DTNB: variants seen among roughly 807,000 people sequenced by gnomAD.
DTNB encodes DTN-B.
DTNB carries 63 observed loss-of-function variants against 90.7 expected under a neutral mutation model. The observed-to-expected ratio is 0.69, with a 90% CI of 0.57 to 0.86. The LOEUF (loss-of-function observed/expected upper bound fraction) is 0.86. Ranked by LOEUF, DTNB falls within the 40% of genes least tolerant of loss-of-function variation. The pLI, the probability that DTNB is intolerant of heterozygous loss-of-function variation, is 0.00. For synonymous variants in DTNB, 277 were observed against 286.7 expected (o/e 0.97, Z 0.34); for missense variants, 744 against 807.1 (o/e 0.92, Z 0.95).
At chr2:25,632,385 CT>C (rs1485977426) in intron 3 of DTNB, among the ~76,000 whole-genome samples, 1 of 152,052 alleles carries the variant, frequency 6.6e-6, no homozygotes. Flanking sequence ...TATCAGGAAA[CT>C]TTCTTAATCT....
At chr2:25,467,113 C>T (rs1574836056) in intron 10 of DTNB, among the ~76,000 whole-genome samples, 1 of 152,296 alleles carries the variant, frequency 6.6e-6, no homozygotes, top group East Asian at 1.9e-4. Flanking sequence ...CACTAAGCCA[C>T]ATTCATCTTC....
At chr2:25,604,253 TAGG>T (rs1372513683) in intron 5 of DTNB, among the ~76,000 whole-genome samples, 20 of 151,738 alleles carry the variant, frequency 1.3e-4, no homozygotes, top group African/African-American at 3.6e-4. Context: ...AGTCTCAAAA[TAGG>T]AGGAGTAGAC....
rs563172582 is a variant in DTNB at position 25,620,392 on chromosome 2, CAGG to C, written c.362+7776_362+7778del. ...ATTTCGAAGTGAGGTACTGAATGGACAGGAGAAGTCTCTCTGGACTTGTTACTA... is the reference window on the plus strand; with the variant it reads ...ATTTCGAAGTGAGGTACTGAATGGACAGAAGTCTCTCTGGACTTGTTACTA... On this transcript the variant is annotated intron_variant, in intron 4 of 20. Transcript: ENST00000406818. 1.7e-3 allele frequency among the ~76,000 whole-genome samples: 265 copies of C among 152,250 alleles called. 1 individual carries two copies. Among genetic ancestry groups the C allele is most frequent in the Non-Finnish European group, 2.9e-3 (196 of 68,038 alleles).
chr2:25,661,325 C>T lies in DTNB; in HGVS notation c.-1-8664G>A, dbSNP rs556091053. On this transcript the variant is annotated intron_variant, in intron 1 of 20. Transcript: ENST00000406818. ...CAACAACTGGTATCCACGATATGCA[C>T]AGAATTTGTACAAACCGGTAAGAAA... Among the ~76,000 whole-genome samples, 3 of 152,266 alleles carry T rather than the reference C, an allele frequency of 2.0e-5. No individual in the cohort carries two copies. The South Asian group carries it at 6.2e-4, about 32-fold the overall frequency.
intron 8 of DTNB, among the ~76,000 whole-genome samples, chr2:25,571,672 G>C (rs918880269): frequency 2.0e-5 from 3 of 152,224 alleles, no homozygotes; most frequent in Non-Finnish European, 4.4e-5. Flanking sequence ...TTGCTACTCT[G>C]CTCATGTTAG....
intron 10 of DTNB, among the ~76,000 whole-genome samples, chr2:25,465,500 T>C (rs193260525): frequency 2.0e-5 from 3 of 152,358 alleles, no homozygotes; most frequent in Admixed American, 2.0e-4. Flanking sequence ...AAAAATGCTT[T>C]TTAAAAATCA....
At chr2:25,445,672 C>T (rs1362246770) in intron 12 of DTNB, among the ~76,000 whole-genome samples, 2 of 152,186 alleles carry the variant, frequency 1.3e-5, no homozygotes, top group Non-Finnish European at 2.9e-5. Flanking sequence ...CGACCTCCAG[C>T]CTCAGGGCCT....
intron 11 of DTNB, among the ~76,000 whole-genome samples, chr2:25,452,546 T>C (rs1262805796): frequency 6.6e-6 from 1 of 152,212 alleles, no homozygotes; most frequent in Non-Finnish European, 1.5e-5. Context: ...TTTGGCCCTA[T>C]GTTCTTGGGT....
At chr2:25,629,545 A>C (rs35170384) in intron 3 of DTNB, among the ~76,000 whole-genome samples, 1 of 151,920 alleles carries the variant, frequency 6.6e-6, no homozygotes, top group African/African-American at 2.4e-5. Flanking sequence ...GTCTAAAACA[A>C]AAGGACATAA....
chr2:25,539,284 C>T (rs749988049), intron 8 of DTNB, among the ~76,000 whole-genome samples: 4 of 152,170 alleles, frequency 2.6e-5, no homozygotes, highest in African/African-American at 4.8e-5. Flanking sequence ...TAGTGTTACG[C>T]GCATTCAATT....
At chr2:25,466,795 A>C (rs751088509) in intron 10 of DTNB, among the ~76,000 whole-genome samples, 20 of 152,368 alleles carry the variant, frequency 1.3e-4, no homozygotes, top group Non-Finnish European at 2.2e-4. Context: ...GGAATATTAC[A>C]AAGAGTTGTT....
intron 3 of DTNB, among the ~76,000 whole-genome samples, chr2:25,634,658 G>T: frequency 8.6e-6 from 1 of 116,166 alleles, no homozygotes; most frequent in Non-Finnish European, 2.0e-5. Context: ...GATGGTTGCC[G>T]TGTCTGTGTA....
At chr2:25,443,879 C>T (rs1002138053) in intron 12 of DTNB, among the ~76,000 whole-genome samples, 2 of 152,092 alleles carry the variant, frequency 1.3e-5, no homozygotes, top group African/African-American at 4.8e-5. Context: ...TACATGTGTG[C>T]GAAACATCAT....
chr2:25,665,496 T>C (rs181525736), intron 1 of DTNB, among the ~76,000 whole-genome samples: 5 of 152,082 alleles, frequency 3.3e-5, no homozygotes, highest in Admixed American at 6.6e-5. Flanking sequence ...TATGGTGACA[T>C]GCGCCTATAG....
intron 3 of DTNB, among the ~76,000 whole-genome samples, chr2:25,633,886 C>T (rs1204868576): frequency 1.3e-5 from 2 of 151,418 alleles, no homozygotes; most frequent in Non-Finnish European, 2.9e-5. Flanking sequence ...AGGTGAGGAG[C>T]GTCTCTGCCC....
chr2:25,484,691 T>C (rs1220463469), intron 9 of DTNB, among the ~76,000 whole-genome samples: 1 of 152,262 alleles, frequency 6.6e-6, no homozygotes, highest in Non-Finnish European at 1.5e-5. Context: ...CATAGTACTA[T>C]GCTTATTGTT....
chr2:25,604,398 T>TC (rs1491261314), intron 5 of DTNB, among the ~76,000 whole-genome samples: 47 of 103,518 alleles, frequency 4.5e-4, no homozygotes, highest in South Asian at 2.0e-3. Flanking sequence ...CTCTCCCTTC[T>TC]TTCTCTCTCT....
intron 10 of DTNB, among the ~76,000 whole-genome samples, chr2:25,476,157 C>T (rs1200331568): frequency 2.6e-5 from 4 of 151,906 alleles, no homozygotes; most frequent in Non-Finnish European, 5.9e-5. Context: ...CAACCTCCAC[C>T]TCCCGGGTTC....
chr2:25,481,846 G>A (rs1169282634), intron 10 of DTNB: 1 of 152,202 alleles, frequency 6.6e-6, no homozygotes, highest in South Asian at 2.1e-4. Context: ...TTCAACAAGT[G>A]ACCCAGGTGA....
Sources: allele counts gnomAD v4.1 joint callset (sites outside exome capture counted in the v4.1 genomes callset), GRCh38; gene constraint gnomAD v4.1.1; transcripts MANE v1.5; gene names NCBI Gene and HGNC (gene_info 2026-07-23, HGNC 2026-07-21).